Variants in DDX54 observed in about 807,000 individuals in gnomAD.
DDX54 encodes DEAD-box helicase 54, also known as ATP-dependent RNA helicase DDX54.
Under a neutral mutation model 105.5 loss-of-function variants are expected in DDX54, and 67 were observed. That is an observed-to-expected ratio of 0.64 (90% CI 0.52 to 0.78). The LOEUF (loss-of-function observed/expected upper bound fraction) is 0.78. DDX54 is among the 30% of genes least tolerant of loss of function. DDX54 has a pLI of 0.00. For synonymous variants in DDX54, 514 were observed against 509.9 expected (o/e 1.01, Z -0.11); for missense variants, 1,206 against 1,230.5 (o/e 0.98, Z 0.30).
At chr12:113,169,514 G>A (rs1397623911) in intron 12 of DDX54, among the ~76,000 whole-genome samples, 10 of 152,076 alleles carry the variant, frequency 6.6e-5, no homozygotes, top group East Asian at 1.9e-4. Context: ...CCAGCTACTC[G>A]GGAGGCTGAG....
Position 113,157,430 on chromosome 12 carries a change from AG to A in DDX54, c.*1446del. On this transcript the variant is annotated 3_prime_UTR_variant, in exon 20 of 20. Coordinates refer to ENST00000306014, the MANE Select transcript of DDX54 (RefSeq NM_024072.4). ...GGTTGGCCTGAGGCTTTCAAAACCC[AG>A]AACGGTTTAGGATCTCAGTCACCAC... 1.6e-6 allele frequency: 1 copy of A among 616,758 alleles called. No homozygotes were observed. The highest frequency in any genetic ancestry group is 2.9e-6 in the Non-Finnish European group (1 of 348,592). The allele number at this position is 616,758 out of a possible 1,614,324, so 38.2% of individuals were successfully genotyped here.
Position 113,169,819 on chromosome 12 carries a change from C to A in DDX54, c.1365G>T (p.Leu455=). The A allele has an allele frequency of 6.2e-7, 1 of 1,614,088 alleles. No individual in the cohort carries two copies. Residue 455 remains leucine (L), a synonymous_variant, in exon 12 of 20, where the codon CTG becomes CTT. Coordinates refer to ENST00000306014, the MANE Select transcript of DDX54 (RefSeq NM_024072.4). ...DEIPYLLDLH[L]FLGRSLTLAR... ...CGAGGGTGAGGGAGCGGCCCAGGAA[C>A]AGGTGCAGATCCAGCAGGTAGGGGA...
chr12:113,184,890 G>GTC (rs1468164745), intron 1 of DDX54, among the ~76,000 whole-genome samples: 3 of 152,190 alleles, frequency 2.0e-5, no homozygotes, highest in African/African-American at 7.2e-5. Context: ...AAGCCACGCA[G>GTC]TCTGGCCTCC....
Position 113,157,604 on chromosome 12 carries a change from G to A in DDX54, c.*1273C>T, listed in dbSNP as rs1478345898. On this transcript the variant is annotated 3_prime_UTR_variant, in exon 20 of 20. Coordinates refer to ENST00000306014, the MANE Select transcript of DDX54 (RefSeq NM_024072.4). ...GACTTCGTGCTGGGCCCCCCCAGGT[G>A]AAGCTGTTCATGCAGGACCTCTCTG... The A allele has an allele frequency of 6.4e-7, 1 of 1,551,686 alleles. No homozygotes were observed. Among genetic ancestry groups the A allele is most frequent in the South Asian group, 1.2e-5 (1 of 84,064 alleles).
chr12:113,157,839 C>T lies in DDX54; in HGVS notation c.*1038G>A. The T allele has an allele frequency of 3.1e-6, 2 of 640,750 alleles. No individual in the cohort carries two copies. Among genetic ancestry groups the T allele is most frequent in the South Asian group, 3.6e-5 (2 of 55,080 alleles). The allele number at this position is 640,750 out of a possible 1,614,324, so 39.7% of individuals were successfully genotyped here. ...GCCTGTTCAGAGTGCTGTGGGCCTG[C>T]CATGAGGGGCACATAGCAAGCACTC... is the stretch of plus-strand genomic sequence containing the variant. On this transcript the variant is annotated 3_prime_UTR_variant, in exon 20 of 20. Coordinates refer to ENST00000306014, the MANE Select transcript of DDX54 (RefSeq NM_024072.4).
At chr12:113,179,833 G>C (rs1952445243) in intron 3 of DDX54, 102 bp downstream of exon 3, 1 of 1,350,580 alleles carries the variant, frequency 7.4e-7, no homozygotes, top group Non-Finnish European at 1.1e-6. Context: ...AAAGGGGGCA[G>C]GAGATGTGAC....
Position 113,179,335 on chromosome 12 carries a change from G to A in DDX54, c.376-4C>T. The A allele has an allele frequency of 1.2e-6, 2 of 1,612,092 alleles. No homozygotes were observed. The highest frequency in any genetic ancestry group is 1.1e-5 in the South Asian group (1 of 91,052). ...CATCCAAGATCACCGGGATGGTCTGGAGAGGCACAAGCAGGGAAGTCAAGG... is the reference window on the plus strand; with the variant it reads ...CATCCAAGATCACCGGGATGGTCTGAAGAGGCACAAGCAGGGAAGTCAAGG... On this transcript the variant is annotated splice_polypyrimidine_tract_variant and splice_region_variant and intron_variant, in intron 3 of 19. Transcript: ENST00000306014.
At chr12:113,169,472 T>C (rs1952310295) in intron 12 of DDX54, among the ~76,000 whole-genome samples, 1 of 151,466 alleles carries the variant, frequency 6.6e-6, no homozygotes, top group Non-Finnish European at 1.5e-5. Context: ...CAATAAAAAA[T>C]TTGCCAGGCG....
At chr12:113,183,705 C>T (rs7962908) in intron 1 of DDX54, 10,565 of 152,346 alleles carry the variant, frequency 0.069, 433 homozygotes, top group East Asian at 0.15. Flanking sequence ...GTTTGAATCT[C>T]CTGGCTCTTG....
chr12:113,164,192 G>A lies in DDX54; in HGVS notation c.1813C>T (p.Gln605Ter). 1 of 1,572,144 alleles carries A rather than the reference G, an allele frequency of 6.4e-7. No individual in the cohort carries two copies. Among genetic ancestry groups the A allele is most frequent in the Non-Finnish European group, 8.6e-7 (1 of 1,159,664 alleles). Residue 605 changes from glutamine to a stop codon, truncating the protein, a stop_gained, in exon 15 of 20, where the codon CAG becomes TAG. Coordinates refer to ENST00000306014, the MANE Select transcript of DDX54 (RefSeq NM_024072.4). LOFTEE classifies it high-confidence loss of function. ...QKDRKAIARF[Q>*]QGQQGRQEQQ... The stretch of plus-strand genomic sequence containing the variant: ...TCCTGCCGCCCCTGCTGTCCCTGCT[G>A]GAAGCGGGCGATGGCCTTGCGGTCC...
chr12:113,181,422 AGCTGGGACTACAG>A (rs1952466083), intron 1 of DDX54, among the ~76,000 whole-genome samples: 1 of 151,782 alleles, frequency 6.6e-6, no homozygotes, highest in African/African-American at 2.4e-5. Context: ...ACTTCTGAGT[AGCTGGGACTACAG>A]GCGTATACTA....
intron 12 of DDX54, chr12:113,167,927 G>T (rs1397841340): frequency 3.9e-6 from 2 of 510,490 alleles, no homozygotes; most frequent in Non-Finnish European, 7.8e-6. Flanking sequence ...CCCTGGGGCT[G>T]CCAGGTGGGG....
At chr12:113,175,584 C>A (rs1319944256) in intron 7 of DDX54, among the ~76,000 whole-genome samples, 1 of 152,112 alleles carries the variant, frequency 6.6e-6, no homozygotes, top group African/African-American at 2.4e-5. Flanking sequence ...GTCAGGAGAT[C>A]GAGACCATCC....
At chr12:113,165,617 G>A in intron 14 of DDX54, 27 bp downstream of exon 14, 1 of 1,579,102 alleles carries the variant, frequency 6.3e-7, no homozygotes, top group Non-Finnish European at 8.6e-7. Flanking sequence ...AGGACTCAGA[G>A]CGTGGTCTCC....
chr12:113,182,935 G>A (rs77209959), intron 1 of DDX54, among the ~76,000 whole-genome samples: 3,782 of 151,244 alleles, frequency 0.025, 85 homozygotes, highest in African/African-American at 0.059. Flanking sequence ...GTGCAGTGGG[G>A]CAATCACGGC....
chr12:113,166,913 G>A (rs1305857986), intron 12 of DDX54, among the ~76,000 whole-genome samples: 1 of 152,108 alleles, frequency 6.6e-6, no homozygotes, highest in Non-Finnish European at 1.5e-5. Context: ...CAATACTTAT[G>A]GTAATAAGTA....
At chr12:113,167,956 C>T (rs1271413104) in intron 12 of DDX54, 1 of 509,106 alleles carries the variant, frequency 2.0e-6, no homozygotes, top group Non-Finnish European at 3.9e-6. Flanking sequence ...GCACCTCCCT[C>T]CCTTGGCCCT....
chr12:113,174,912 C>T lies in DDX54; in HGVS notation c.899G>A (p.Arg300Gln), dbSNP rs543706972. The change falls in exon 9 of 20, where the codon CGG (arginine) becomes CAG (glutamine). Residue 300 changes from arginine to glutamine, a missense_variant. By Grantham distance (43) the Arg-to-Gln change is conservative. This residue lies in a region of DDX54 where 961 missense variants were observed against 1,019.1 expected (regional missense o/e 0.94). Transcript: ENST00000306014. The stretch of plus-strand genomic sequence containing the variant: ...GTTGAGCTTGGTATCCACGTCAAGC[C>T]GGATGAGCACGGGCTCCGTGAGGCC... ...RAGLTEPVLI[R>Q]LDVDTKLNEQ... The T allele has an allele frequency of 3.7e-6, 6 of 1,613,650 alleles. No individual in the cohort carries two copies. In the Admixed American group the frequency reaches 5.0e-5, roughly 13 times the overall value.
intron 11 of DDX54, among the ~76,000 whole-genome samples, chr12:113,171,520 C>T (rs1814832489): frequency 6.6e-6 from 1 of 151,602 alleles, no homozygotes; most frequent in African/African-American, 2.4e-5. Context: ...AAGAGAATAG[C>T]TAGAACCTGG....
Sources: allele counts gnomAD v4.1 joint callset (sites outside exome capture counted in the v4.1 genomes callset), GRCh38; gene constraint gnomAD v4.1.1; regional missense constraint gnomAD v4.1.1; transcripts MANE v1.5; gene names NCBI Gene and HGNC (gene_info 2026-07-23, HGNC 2026-07-21).